DDAH1: variants seen among roughly 807,000 people sequenced by gnomAD.
DDAH1 encodes the protein N(G),N(G)-dimethylarginine dimethylaminohydrolase 1.
Under a neutral mutation model 28.8 loss-of-function variants are expected in DDAH1, and 19 were observed. That is an observed-to-expected ratio of 0.66 (90% CI 0.46 to 0.97). The LOEUF is 0.97. DDAH1 is among the 50% of genes least tolerant of loss of function. DDAH1 has a pLI of 0.00. For synonymous variants in DDAH1, 153 were observed against 154.4 expected, an observed-to-expected ratio of 0.99 and a Z score of 0.07; for missense variants, 326 against 375.9, an observed-to-expected ratio of 0.87 and a Z score of 1.10.
At chr1:85,542,597 G>A (rs35560539) in intron 1 of DDAH1, among the ~76,000 whole-genome samples, 25,206 of 152,112 alleles carry the variant, frequency 0.17, 2,759 homozygotes, top group African/African-American at 0.3. Flanking sequence ...CTTTTTAAGG[G>A]AAGAGCCTTC....
At chr1:85,341,615 C>A (rs112108467) in intron 4 of DDAH1, among the ~76,000 whole-genome samples, 1 of 152,242 alleles carries the variant, frequency 6.6e-6, no homozygotes, top group Non-Finnish European at 1.5e-5. Context: ...GAGATTGAGA[C>A]CATCCTGGCT....
intron 1 of DDAH1, among the ~76,000 whole-genome samples, chr1:85,534,801 C>T (rs1270409656): frequency 3.3e-5 from 5 of 152,110 alleles, no homozygotes; most frequent in African/African-American, 1.2e-4. Flanking sequence ...AACCAGACAG[C>T]ACAGCTGCCA....
chr1:85,567,337 T>C (rs2100559421), intron 1 of DDAH1, among the ~76,000 whole-genome samples: 1 of 152,330 alleles, frequency 6.6e-6, no homozygotes, highest in Non-Finnish European at 1.5e-5. Context: ...GGGAGGGACC[T>C]GGTGAGAGAT....
chr1:85,564,416 G>A (rs1012413540), intron 1 of DDAH1, among the ~76,000 whole-genome samples: 1 of 152,148 alleles, frequency 6.6e-6, no homozygotes, highest in Non-Finnish European at 1.5e-5. Context: ...TCTTTGAAGT[G>A]CAGAGAGGGG....
At chr1:85,479,762 TC>T (rs1311447597) in intron 2 of DDAH1, among the ~76,000 whole-genome samples, 1 of 152,172 alleles carries the variant, frequency 6.6e-6, no homozygotes, top group Non-Finnish European at 1.5e-5. Flanking sequence ...CTGGGCCTTG[TC>T]TTGATCCCTT....
At chr1:85,426,120 C>T (rs1653384127) in intron 1 of DDAH1, among the ~76,000 whole-genome samples, 2 of 152,126 alleles carry the variant, frequency 1.3e-5, no homozygotes, top group Non-Finnish European at 2.9e-5. Context: ...AAAATGAGAG[C>T]TCAGTAAAAG....
In DDAH1 at chr1:85,321,498, A is replaced by G. The variant is rs781539563; in HGVS notation, c.812T>C (p.Leu271Pro). The part of the protein sequence containing the change: ...SMSELEKVDG[L>P]LTCCSVLINK... ...AATTAAAACTGAGCAGCAGGTGAGCAGCCCATCCACCTTTTCCAGTTCAGA... is the reference window on the plus strand; with the variant it reads ...AATTAAAACTGAGCAGCAGGTGAGCGGCCCATCCACCTTTTCCAGTTCAGA... The change falls in exon 6 of 6, where the codon CTG becomes CCG. Residue 271 changes from leucine to proline, a missense_variant. By Grantham distance (98) the Leu-to-Pro change is moderately conservative. Transcript: ENST00000284031. The G allele has an allele frequency of 6.2e-7, 1 of 1,614,060 alleles. No individual in the cohort carries two copies. The highest frequency in any genetic ancestry group is 8.5e-7 in the Non-Finnish European group (1 of 1,180,008).
intron 1 of DDAH1, among the ~76,000 whole-genome samples, chr1:85,430,507 G>T (rs1003722385): frequency 9.9e-5 from 15 of 152,132 alleles, no homozygotes; most frequent in Non-Finnish European, 1.9e-4. Flanking sequence ...CCATTTTGAC[G>T]ATATCGATTC....
chr1:85,528,228 A>T (rs544746506), intron 1 of DDAH1, among the ~76,000 whole-genome samples: 3,097 of 108,446 alleles, frequency 0.029, 98 homozygotes, highest in African/African-American at 0.096. Context: ...AAATGTATAT[A>T]AAAAAAAATT....
intron 1 of DDAH1, among the ~76,000 whole-genome samples, chr1:85,438,998 T>C (rs986711168): frequency 3.3e-5 from 5 of 152,236 alleles, no homozygotes; most frequent in African/African-American, 1.2e-4. Flanking sequence ...GTGATCTTAG[T>C]CACGGTATTT....
At chr1:85,457,180 G>A (rs548218263) in intron 1 of DDAH1, among the ~76,000 whole-genome samples, 2 of 152,280 alleles carry the variant, frequency 1.3e-5, no homozygotes, top group African/African-American at 4.8e-5. Context: ...GCACGGGTGA[G>A]TTTTTCTCAA....
At chr1:85,484,347 G>T (rs1047577886) in intron 2 of DDAH1, among the ~76,000 whole-genome samples, 1 of 151,854 alleles carries the variant, frequency 6.6e-6, no homozygotes, top group African/African-American at 2.4e-5. Context: ...TAATGTCTGA[G>T]CTCATATCGC....
At chr1:85,326,135 T>C (rs771792909) in intron 4 of DDAH1, among the ~76,000 whole-genome samples, 5 of 152,220 alleles carry the variant, frequency 3.3e-5, no homozygotes, top group Non-Finnish European at 7.3e-5. Flanking sequence ...GAGTGGCACA[T>C]AGTAAGCCCT....
At chr1:85,478,588 A>G (rs1037297547) in intron 2 of DDAH1, among the ~76,000 whole-genome samples, 2 of 152,230 alleles carry the variant, frequency 1.3e-5, no homozygotes, top group Admixed American at 1.3e-4. Context: ...CCATGATTCA[A>G]TAACTTCCCA....
intron 5 of DDAH1, among the ~76,000 whole-genome samples, chr1:85,322,848 T>C (rs1373032229): frequency 6.6e-6 from 1 of 152,116 alleles, no homozygotes. Flanking sequence ...ATCTGGTAGG[T>C]CAGATGATCA....
chr1:85,514,415 G>T lies in DDAH1; in HGVS notation c.-122-18134C>A, dbSNP rs1160643703. ...TGGGAGCTGGGGGATAGCATTAGGA[G>T]AAATACCTAATGTAAATGATGAATT... On this transcript the variant is annotated intron_variant, in intron 1 of 6. Transcript: ENST00000426972. Among the ~76,000 whole-genome samples the T allele has an allele frequency of 4.0e-5, 6 of 151,644 alleles. No individual in the cohort carries two copies. In the South Asian group the frequency reaches 1.3e-3, roughly 32 times the overall value.
chr1:85,458,898 A>G (rs1000741362), intron 1 of DDAH1, among the ~76,000 whole-genome samples: 1 of 152,192 alleles, frequency 6.6e-6, no homozygotes, highest in African/African-American at 2.4e-5. Flanking sequence ...TACTCCCTTG[A>G]TAAGCAGGAA....
intron 1 of DDAH1, among the ~76,000 whole-genome samples, chr1:85,439,513 C>T (rs1329724897): frequency 1.3e-5 from 2 of 152,338 alleles, no homozygotes; most frequent in African/African-American, 4.8e-5. Flanking sequence ...GCACATTATA[C>T]GTATCATCAG....
chr1:85,329,155 A>C (rs1246051748), intron 4 of DDAH1, among the ~76,000 whole-genome samples: 4 of 152,252 alleles, frequency 2.6e-5, no homozygotes, highest in Non-Finnish European at 4.4e-5. Context: ...AATGTCATAC[A>C]TTCCAGAGGA....
Sources: gnomAD v4.1 joint callset for allele counts (sites outside exome capture counted in the v4.1 genomes callset) on GRCh38, gnomAD v4.1.1 for gene constraint, MANE v1.5 for transcripts, NCBI Gene and HGNC (gene_info 2026-07-23, HGNC 2026-07-21) for gene names.